Variants in PCDHA7 observed in about 807,000 individuals in gnomAD.
PCDHA7 encodes the protein protocadherin alpha-7.
PCDHA7 carries 37 observed loss-of-function variants against 57.2 expected under a neutral mutation model. The observed-to-expected ratio is 0.65, with a 90% confidence interval of 0.50 to 0.85. The LOEUF (loss-of-function observed/expected upper bound fraction) is 0.85. PCDHA7 is among the 40% of genes least tolerant of loss of function. The pLI is 0.00. For missense variants in PCDHA7, 1,188 were observed against 1,241.8 expected, an observed-to-expected ratio of 0.96 and a Z score of 0.65; for synonymous variants, 553 against 558.8, an observed-to-expected ratio of 0.99 and a Z score of 0.15.
At chr5:140,957,191 T>C (rs1302296413) in intron 1 of PCDHA7, among the ~76,000 whole-genome samples, 1 of 152,150 alleles carries the variant, frequency 6.6e-6, no homozygotes, top group Non-Finnish European at 1.5e-5. Flanking sequence ...TGATGACCGA[T>C]TGGGAATATA....
chr5:140,959,073 G>A (rs775479268), intron 1 of PCDHA7, among the ~76,000 whole-genome samples: 2 of 152,094 alleles, frequency 1.3e-5, no homozygotes, highest in Non-Finnish European at 2.9e-5. Flanking sequence ...ATAGAATTCA[G>A]TATTATCCTT....
intron 1 of PCDHA7, chr5:140,867,518 A>T (rs2050002627): frequency 6.6e-6 from 1 of 152,128 alleles, no homozygotes; most frequent in Non-Finnish European, 1.5e-5. Context: ...TCAAATTAAT[A>T]GTTGAATATA....
chr5:140,921,030 G>C (rs1266143728), intron 1 of PCDHA7, among the ~76,000 whole-genome samples: 2 of 151,532 alleles, frequency 1.3e-5, no homozygotes, highest in Admixed American at 6.6e-5. Context: ...TCTAGACTGG[G>C]GTGCAGTGGG....
In PCDHA7 at chr5:141,012,200, T is replaced by A. The variant is rs2098423248; in HGVS notation, c.*2263T>A. On this transcript the variant is annotated 3_prime_UTR_variant, in exon 4 of 4. Coordinates refer to ENST00000525929, the MANE Select transcript of PCDHA7 (RefSeq NM_018910.3). The stretch of plus-strand genomic sequence containing the variant: ...TAATTATAATGTATCTGTACAGCAC[T>A]TTTTACATTTGCGAAGTGCTTTCCA... 6.5e-6 allele frequency: 1 copy of A among 153,778 alleles called. No homozygotes were observed. The highest frequency in any genetic ancestry group is 1.5e-5 in the Non-Finnish European group (1 of 68,048). 9.5% of individuals were successfully genotyped at this position (153,778 alleles called of 1,614,324 possible). A position where few individuals can be genotyped will look rare whatever the true frequency, so the allele number is the denominator to read the frequency against.
chr5:140,849,171 G>A (rs1554142799), intron 1 of PCDHA7: 3 of 1,114,430 alleles, frequency 2.7e-6, no homozygotes, highest in South Asian at 1.5e-5. Context: ...GACTGGCACC[G>A]TTCAATTACT....
chr5:140,876,031 G>C, intron 1 of PCDHA7: 2 of 1,613,702 alleles, frequency 1.2e-6, no homozygotes, highest in Non-Finnish European at 1.7e-6. Flanking sequence ...AACAAAAAAA[G>C]ATAAAAGTAT....
intron 1 of PCDHA7, chr5:140,875,414 C>A: frequency 3.3e-6 from 5 of 1,508,510 alleles, no homozygotes; most frequent in Non-Finnish European, 4.4e-6. Flanking sequence ...CATAAAATAC[C>A]TCAGGCAAGC....
At chr5:140,935,760 T>C (rs1320272382) in intron 1 of PCDHA7, among the ~76,000 whole-genome samples, 1 of 152,152 alleles carries the variant, frequency 6.6e-6, no homozygotes, top group Non-Finnish European at 1.5e-5. Flanking sequence ...TACACATTCT[T>C]CCCCACTTTG....
chr5:140,850,556 G>A (rs1554144496), intron 1 of PCDHA7: 1 of 1,598,290 alleles, frequency 6.3e-7, no homozygotes. Flanking sequence ...TGGGTGCCAC[G>A]GGCCCCGAGG....
chr5:140,937,805 G>T (rs1192616946), intron 1 of PCDHA7, among the ~76,000 whole-genome samples: 1 of 149,924 alleles, frequency 6.7e-6, no homozygotes, highest in Admixed American at 6.6e-5. Flanking sequence ...CCAGCTACTC[G>T]GGAAGCTGAG....
chr5:140,927,769 G>A (rs1471080821), intron 1 of PCDHA7: 4 of 1,614,084 alleles, frequency 2.5e-6, no homozygotes, highest in African/African-American at 2.7e-5. Context: ...AAGTGGGGAG[G>A]TGCAAGTAGC....
chr5:140,867,814 A>G (rs1277915043), intron 1 of PCDHA7: 1 of 152,106 alleles, frequency 6.6e-6, no homozygotes, highest in East Asian at 1.9e-4. Flanking sequence ...ATGAAATTCC[A>G]TTTCCACAAG....
At chr5:140,836,821 T>C in intron 1 of PCDHA7, 83 bp downstream of exon 1, 1 of 1,070,782 alleles carries the variant, frequency 9.3e-7, no homozygotes, top group Non-Finnish European at 1.3e-6. Flanking sequence ...CATAATTTCT[T>C]TTTTAGTTGA....
At chr5:140,849,967 C>T (rs2150460775) in intron 1 of PCDHA7, 1 of 1,597,834 alleles carries the variant, frequency 6.3e-7, no homozygotes, top group East Asian at 2.2e-5. Flanking sequence ...GCCCTGGTGT[C>T]CTACTCGCTG....
chr5:140,960,253 G>A (rs1554224599), intron 1 of PCDHA7, among the ~76,000 whole-genome samples: 1 of 152,178 alleles, frequency 6.6e-6, no homozygotes, highest in African/African-American at 2.4e-5. Context: ...GCTTCCTGGA[G>A]CTTCTGATAA....
chr5:140,860,295 G>C (rs1358884678), intron 1 of PCDHA7: 2 of 151,884 alleles, frequency 1.3e-5, no homozygotes, highest in Non-Finnish European at 2.9e-5. Context: ...GTGGGAGGAC[G>C]GCTTGAGCCT....
At chr5:140,984,597 T>TA (rs1554246418) in intron 3 of PCDHA7, among the ~76,000 whole-genome samples, 1 of 152,182 alleles carries the variant, frequency 6.6e-6, no homozygotes, top group East Asian at 1.9e-4. Flanking sequence ...TTTCAATACA[T>TA]ACCTCTGCAT....
At chr5:140,918,237 T>C (rs2078587640) in intron 1 of PCDHA7, among the ~76,000 whole-genome samples, 2 of 152,240 alleles carry the variant, frequency 1.3e-5, no homozygotes, top group Admixed American at 1.3e-4. Context: ...TGTACATTGA[T>C]TTTGTATGCT....
chr5:140,859,387 C>A, intron 1 of PCDHA7: 2 of 268,138 alleles, frequency 7.5e-6, no homozygotes, highest in South Asian at 8.3e-5. Context: ...CTTCTCTAGT[C>A]ATCTTAAACA....
Sources: allele counts gnomAD v4.1 joint callset (sites outside exome capture counted in the v4.1 genomes callset), GRCh38; gene constraint gnomAD v4.1.1; transcripts MANE v1.5; gene names NCBI Gene and HGNC (gene_info 2026-07-23, HGNC 2026-07-21).